The following DOCK9 variants were observed in gnomAD, a reference collection of about 807,000 sequenced individuals.
DOCK9 encodes the protein dedicator of cytokinesis protein 9.
A neutral mutation model predicts 263.3 loss-of-function variants in DOCK9; 89 were observed. The ratio of observed to expected loss-of-function variants is 0.34; its 90% CI spans 0.28 to 0.40. DOCK9 has a LOEUF of 0.40. Among genes scored for constraint, DOCK9 ranks in the 10% least tolerant of loss-of-function variants. DOCK9 has a pLI of 1.00. For synonymous variants in DOCK9, 976 were observed against 973.1 expected, an observed-to-expected ratio of 1.00 and a Z score of -0.06; for missense variants, 2,140 against 2,603.4, an observed-to-expected ratio of 0.82 and a Z score of 3.87.
At chr13:98,990,712 A>G (rs547933296) in intron 1 of DOCK9, among the ~76,000 whole-genome samples, 73 of 152,352 alleles carry the variant, frequency 4.8e-4, no homozygotes, top group African/African-American at 1.7e-3. Context: ...AGTTCTTTTC[A>G]GCCCAAACTC....
At chr13:98,896,676 T>C (rs1185420688) in intron 15 of DOCK9, among the ~76,000 whole-genome samples, 1 of 152,138 alleles carries the variant, frequency 6.6e-6, no homozygotes, top group Non-Finnish European at 1.5e-5. Flanking sequence ...GTGAACTCTT[T>C]AGGATGTAGC....
chr13:98,969,987 G>A (rs1333272817), intron 1 of DOCK9, among the ~76,000 whole-genome samples: 2 of 152,154 alleles, frequency 1.3e-5, no homozygotes, highest in African/African-American at 4.8e-5. Context: ...ATATCTGTTG[G>A]CTGTGTTGTT....
chr13:98,896,252 A>G (rs1344320979), intron 15 of DOCK9, among the ~76,000 whole-genome samples: 4 of 152,156 alleles, frequency 2.6e-5, no homozygotes, highest in African/African-American at 9.7e-5. Context: ...GCCTCTTGAC[A>G]AGGGATTTCA....
intron 1 of DOCK9, among the ~76,000 whole-genome samples, chr13:99,005,693 AC>A: frequency 6.6e-6 from 1 of 152,364 alleles, no homozygotes; most frequent in East Asian, 1.9e-4. Flanking sequence ...GGCACAGCAA[AC>A]TTTTTGCAAA....
chr13:99,076,972 G>A (rs1442806601), intron 1 of DOCK9, among the ~76,000 whole-genome samples: 3 of 152,118 alleles, frequency 2.0e-5, no homozygotes, highest in African/African-American at 4.8e-5. Context: ...GCCAGAGAGA[G>A]TGGCCTGGCA....
At chr13:98,835,733 C>CT (rs142745340) in intron 39 of DOCK9, among the ~76,000 whole-genome samples, 1,634 of 79,390 alleles carry the variant, frequency 0.021, 81 homozygotes, top group Admixed American at 0.066. Context: ...CTTTACAACT[C>CT]TTTTTTTTTT....
intron 2 of DOCK9, among the ~76,000 whole-genome samples, chr13:98,934,091 C>CGG (rs145777248): frequency 2.0e-5 from 3 of 151,596 alleles, no homozygotes; most frequent in African/African-American, 7.3e-5. Flanking sequence ...GAGATGGGGG[C>CGG]GGGGGGTCTC....
chr13:98,798,500 G>A (rs1350902549), intron 50 of DOCK9, among the ~76,000 whole-genome samples: 6 of 152,176 alleles, frequency 3.9e-5, no homozygotes, highest in South Asian at 2.1e-4. Flanking sequence ...AGGCTGGTGC[G>A]TGGGGGGAAC....
rs144464149 is a variant in DOCK9 at position 98,794,662 on chromosome 13, C to A, written c.6243G>T (p.Met2081Ile). ...AAGACGAGCTGGTCATCCCGTGAAC[C>A]ATTGTGCTTGTTGGAGTCCCACTGA... ...NAISGTPTSTMVHGMTSSSSV... is the reference protein window; with the variant it reads ...NAISGTPTSTIVHGMTSSSSV... The change falls in exon 53 of 53, where the codon ATG becomes ATT. Residue 2081 changes from methionine to isoleucine, a missense_variant. By Grantham distance (10) the Met-to-Ile change is conservative. Coordinates refer to ENST00000682017, the MANE Select transcript of DOCK9 (RefSeq NM_001366683.2). 1.4e-5 allele frequency: 23 copies of A among 1,613,214 alleles called. No homozygotes were observed. The East Asian group carries it at 4.9e-4, about 34-fold the overall frequency.
At chr13:98,963,975 T>C (rs1433896790) in intron 1 of DOCK9, among the ~76,000 whole-genome samples, 3 of 152,206 alleles carry the variant, frequency 2.0e-5, no homozygotes, top group Non-Finnish European at 4.4e-5. Flanking sequence ...TTCCTATAAG[T>C]AGGGTGGGCA....
chr13:98,972,007 A>C (rs1197222761), intron 1 of DOCK9, among the ~76,000 whole-genome samples: 2 of 152,204 alleles, frequency 1.3e-5, no homozygotes, highest in Non-Finnish European at 2.9e-5. Context: ...TCTCAATGCT[A>C]AGCTCAAGTG....
rs755188661 is a variant in DOCK9 at position 98,920,956 on chromosome 13, G to C, written c.715C>G (p.Gln239Glu). ...IFLDSCMGVVQNNKVRRFAFE... is the reference protein window; with the variant it reads ...IFLDSCMGVVENNKVRRFAFE... Reference sequence around the variant, plus strand: ...GGTAAAACTCTTTTCATATTTACCTGAACGACACCCATACAGGAATCCAGA... The same window carrying C: ...GGTAAAACTCTTTTCATATTTACCTCAACGACACCCATACAGGAATCCAGA... The change falls in exon 7 of 53, where the codon CAG (glutamine) becomes GAG (glutamate). Residue 239 changes from glutamine to glutamate, a missense_variant and splice_region_variant. Around this residue, in one of 2 missense-constraint regions of DOCK9, gnomAD observed 1,521 missense variants for 1,741.7 expected, o/e 0.87. Coordinates refer to ENST00000682017, the MANE Select transcript of DOCK9 (RefSeq NM_001366683.2). 1.9e-6 allele frequency: 3 copies of C among 1,602,010 alleles called. No homozygotes were observed. The highest frequency in any genetic ancestry group is 1.3e-5 in the African/African-American group (1 of 74,462).
rs2092471666 is a variant in DOCK9, at chr13:98,825,128, G to A, written c.5024-624C>T. 6.6e-6 allele frequency among the ~76,000 whole-genome samples: 1 copy of A among 152,218 alleles called. No individual in the cohort carries two copies. Reference sequence around the variant, plus strand: ...CCTGGGCACTCTGATTCTCCAAGAGGAAATGGTGTTAGCTTAGAGGCAGGA... The same window carrying A: ...CCTGGGCACTCTGATTCTCCAAGAGAAAATGGTGTTAGCTTAGAGGCAGGA... On this transcript the variant is annotated intron_variant, in intron 44 of 52. Coordinates refer to ENST00000682017, the MANE Select transcript of DOCK9 (RefSeq NM_001366683.2). The surrounding 1 kb of genome is among the most constrained non-coding windows in gnomAD (Gnocchi z 4.1).
intron 1 of DOCK9, among the ~76,000 whole-genome samples, chr13:98,975,154 G>A (rs1482202164): frequency 3.3e-5 from 5 of 152,130 alleles, no homozygotes; most frequent in East Asian, 3.9e-4. Flanking sequence ...CGAGGCGGGC[G>A]GATCTCCTGA....
At chr13:98,831,946 T>C (rs1412508304) in intron 39 of DOCK9, 160 bp from the exon 40 acceptor site, 1 of 840,976 alleles carries the variant, frequency 1.2e-6, no homozygotes, top group Non-Finnish European at 1.8e-6. Flanking sequence ...AATTCTTTTG[T>C]AGAACAAGCA....
chr13:99,033,637 C>G (rs1935590469), intron 1 of DOCK9, among the ~76,000 whole-genome samples: 2 of 152,204 alleles, frequency 1.3e-5, no homozygotes, highest in African/African-American at 4.8e-5. Flanking sequence ...TATACCTAAC[C>G]TGTAGAAGGC....
intron 1 of DOCK9, among the ~76,000 whole-genome samples, chr13:99,050,850 G>A (rs2040659635): frequency 6.6e-6 from 1 of 152,080 alleles, no homozygotes; most frequent in African/African-American, 2.4e-5. Flanking sequence ...TCATATACAT[G>A]GCCCCCCCAG....
chr13:98,862,777 G>A (rs187313131), intron 32 of DOCK9, among the ~76,000 whole-genome samples: 55 of 152,206 alleles, frequency 3.6e-4, no homozygotes, highest in South Asian at 1.0e-3. Flanking sequence ...AGAGACTGGC[G>A]CGATGCCACT....
intron 5 of DOCK9, among the ~76,000 whole-genome samples, chr13:98,922,939 T>C (rs901973390): frequency 4.6e-5 from 7 of 152,164 alleles, no homozygotes; most frequent in African/African-American, 1.4e-4. Context: ...ATTGAAGAAA[T>C]AGCCATTTAA....
Sources: allele counts gnomAD v4.1 joint callset (sites outside exome capture counted in the v4.1 genomes callset), GRCh38; gene constraint gnomAD v4.1.1; regional missense constraint gnomAD v4.1.1; non-coding constraint Gnocchi (gnomAD v3.1); transcripts MANE v1.5; gene names NCBI Gene and HGNC (gene_info 2026-07-23, HGNC 2026-07-21).